RABGEF1: variants seen among roughly 807,000 people sequenced by gnomAD.
The protein encoded by RABGEF1 is rab5 GDP/GTP exchange factor.
RABGEF1 carries 26 observed loss-of-function variants against 57.3 expected under a neutral mutation model. The observed-to-expected ratio is 0.45, with a 90% CI of 0.33 to 0.63. The LOEUF is 0.63. RABGEF1 is among the 20% of genes least tolerant of loss of function. The pLI, the probability that RABGEF1 is intolerant of heterozygous loss-of-function variation, is 0.02. For missense variants in RABGEF1, 464 were observed against 607.6 expected, an observed-to-expected ratio of 0.76 and a Z score of 2.48; for synonymous variants, 185 against 210.7, an observed-to-expected ratio of 0.88 and a Z score of 1.06.
chr7:66,687,564 A>G (rs562530603), intron 1 of RABGEF1, among the ~76,000 whole-genome samples: 23 of 152,172 alleles, frequency 1.5e-4, no homozygotes, highest in Admixed American at 2.6e-4. Flanking sequence ...CTGCAGTCCA[A>G]GCTACTCAGG....
At chr7:66,684,999 A>G (rs192262086) in intron 1 of RABGEF1, among the ~76,000 whole-genome samples, 154 of 152,064 alleles carry the variant, frequency 1.0e-3, no homozygotes, top group African/African-American at 3.5e-3. Flanking sequence ...CCCTGGCCTC[A>G]AGTGATTCTC....
intron 1 of RABGEF1, among the ~76,000 whole-genome samples, chr7:66,766,266 G>A (rs1470834386): frequency 2.7e-5 from 4 of 148,516 alleles, no homozygotes; most frequent in South Asian, 2.1e-4. Flanking sequence ...CTGTGATCAC[G>A]CCACTGCACT....
At chr7:66,684,185 C>T (rs1257758626) in intron 1 of RABGEF1, among the ~76,000 whole-genome samples, 2 of 152,122 alleles carry the variant, frequency 1.3e-5, no homozygotes, top group African/African-American at 4.8e-5. Context: ...GTGGCTTATG[C>T]CTGTAATCCC....
rs1795331933 is a variant in RABGEF1 at position 66,715,852 on chromosome 7, C to CTTGCTATGTTGCCT, written c.-815+3628_-815+3629insTTGCTATGTTGCCT. 2.0e-5 allele frequency among the ~76,000 whole-genome samples: 3 copies of CTTGCTATGTTGCCT among 152,146 alleles called. No homozygotes were observed. The South Asian group carries it at 6.2e-4, about 32-fold the overall frequency. On this transcript the variant is annotated intron_variant and NMD_transcript_variant, in intron 2 of 9. Transcript: ENST00000607882. ...CACTACAGTCTCCAACTCCTGGGTT[C>CTTGCTATGTTGCCT]AGGTGCTCCTTGTGCCTCCGCCTCC...
chr7:66,708,702 C>G (rs1794422086), intron 1 of RABGEF1, among the ~76,000 whole-genome samples: 1 of 152,104 alleles, frequency 6.6e-6, no homozygotes, highest in African/African-American at 2.4e-5. Flanking sequence ...TTCCCAGCTA[C>G]TCAGGAGGCT....
the RABGEF1 span, among the ~76,000 whole-genome samples, chr7:66,671,992 T>A: frequency 6.6e-6 from 1 of 151,796 alleles, no homozygotes; most frequent in Admixed American, 6.6e-5. Context: ...AATTTTTGAT[T>A]TTTTGTAGGA....
chr7:66,717,179 A>C (rs538294382), intron 2 of RABGEF1, among the ~76,000 whole-genome samples: 12 of 152,120 alleles, frequency 7.9e-5, no homozygotes, highest in African/African-American at 2.9e-4. Context: ...TGATTATTTT[A>C]TTATATCTCT....
Position 66,711,124 on chromosome 7 carries a change from C to T in RABGEF1, c.-872-1043C>T, listed in dbSNP as rs535344597. On this transcript the variant is annotated intron_variant and NMD_transcript_variant, in intron 1 of 9. Transcript: ENST00000607882. The stretch of plus-strand genomic sequence containing the variant: ...GCAGTGAGCTGTGATTGCACCACTG[C>T]ACTCCAGCCCGGTTGACAGAGTAAG... Among the ~76,000 whole-genome samples the T allele has an allele frequency of 3.9e-5, 6 of 152,328 alleles. No homozygotes were observed. In the South Asian group the frequency reaches 1.2e-3, roughly 32 times the overall value.
At chr7:66,795,488 G>C (rs1401724180) in intron 4 of RABGEF1, 23 bp from the exon 5 acceptor site, 3 of 1,570,532 alleles carry the variant, frequency 1.9e-6, no homozygotes, top group South Asian at 1.1e-5. Flanking sequence ...GCTACAAGCA[G>C]CCTCTTTGTC....
chr7:66,714,921 C>G (rs964472303), intron 2 of RABGEF1, among the ~76,000 whole-genome samples: 9 of 152,094 alleles, frequency 5.9e-5, no homozygotes, highest in Non-Finnish European at 1.2e-4. Context: ...GGCGACAGAG[C>G]GAGACTCCGT....
upstream of RABGEF1, among the ~76,000 whole-genome samples, chr7:66,736,427 A>T (rs1016656673): frequency 2.0e-5 from 3 of 152,218 alleles, no homozygotes; most frequent in African/African-American, 4.8e-5. Flanking sequence ...TGCCCTATAG[A>T]CAGAAGAAGA....
chr7:66,716,202 G>C lies in RABGEF1; in HGVS notation c.-815+3978G>C, dbSNP rs184030642. ...CTATTGTAAATTTCCTTGCTTTGAG[G>C]TATAGTTTGTCTTATGTAAATATAA... On this transcript the variant is annotated intron_variant and NMD_transcript_variant, in intron 2 of 9. Coordinates refer to the RABGEF1 transcript ENST00000607882. 1.6e-4 allele frequency among the ~76,000 whole-genome samples: 24 copies of C among 152,182 alleles called. No homozygotes were observed. In the South Asian group the frequency reaches 4.3e-3, roughly 28 times the overall value.
intron 1 of RABGEF1, among the ~76,000 whole-genome samples, chr7:66,698,364 CAA>C (rs949364249): frequency 3.3e-5 from 5 of 152,222 alleles, no homozygotes; most frequent in Admixed American, 2.0e-4. Context: ...TCAGGGGTGA[CAA>C]GAGAGGACTG....
intron 1 of RABGEF1, among the ~76,000 whole-genome samples, chr7:66,700,097 C>T (rs886289576): frequency 6.6e-6 from 1 of 152,232 alleles, no homozygotes; most frequent in Non-Finnish European, 1.5e-5. Context: ...CAAGAGTCCT[C>T]AGCCCTGAGC....
At chr7:66,786,107 G>A (rs118073157) in intron 4 of RABGEF1, among the ~76,000 whole-genome samples, 2,223 of 152,236 alleles carry the variant, frequency 0.015, 60 homozygotes, top group East Asian at 0.093. Flanking sequence ...ATCCAGGAGA[G>A]TGATCTGCTC....
intron 1 of RABGEF1, among the ~76,000 whole-genome samples, chr7:66,706,321 C>T (rs148545913): frequency 6.6e-6 from 1 of 152,094 alleles, no homozygotes; most frequent in Admixed American, 6.6e-5. Context: ...TTTCATTTCT[C>T]TTATGCGATA....
intron 1 of RABGEF1, among the ~76,000 whole-genome samples, chr7:66,757,300 G>A (rs1419005222): frequency 6.6e-6 from 1 of 152,110 alleles, no homozygotes; most frequent in African/African-American, 2.4e-5. Context: ...TGTTACAAGA[G>A]TTCCACAGAT....
chr7:66,708,026 CT>C, intron 1 of RABGEF1, among the ~76,000 whole-genome samples: 1 of 152,090 alleles, frequency 6.6e-6, no homozygotes, highest in Non-Finnish European at 1.5e-5. Context: ...CAATCTGTGC[CT>C]TTTAGTTAGA....
chr7:66,805,453 G>A, intron 8 of RABGEF1, 57 bp downstream of exon 8: 1 of 1,597,872 alleles, frequency 6.3e-7, no homozygotes, highest in Non-Finnish European at 8.5e-7. Flanking sequence ...GTGGTTTTGG[G>A]GATGTGACAG....
Sources: allele counts gnomAD v4.1 joint callset (sites outside exome capture counted in the v4.1 genomes callset), GRCh38; gene constraint gnomAD v4.1.1; transcripts MANE v1.5; gene names NCBI Gene and HGNC (gene_info 2026-07-23, HGNC 2026-07-21).